LINGO2: variants seen among roughly 807,000 people sequenced by gnomAD.
The protein encoded by LINGO2 is leucine-rich repeat and immunoglobulin-like domain-containing nogo receptor-interacting protein 2.
Under a neutral mutation model 30.6 loss-of-function variants are expected in LINGO2, and 14 were observed. The observed-to-expected ratio is 0.46, with a 90% confidence interval of 0.30 to 0.72. LINGO2 has a LOEUF of 0.72. Ranked by LOEUF, LINGO2 falls within the 30% of genes least tolerant of loss-of-function variation. LINGO2 has a pLI of 0.07. For synonymous variants in LINGO2, 317 were observed against 288.5 expected (o/e 1.10, Z -1.00); for missense variants, 729 against 751.7 (o/e 0.97, Z 0.35).
the LINGO2 span, among the ~76,000 whole-genome samples, chr9:29,175,294 T>C: frequency 6.6e-6 from 1 of 152,112 alleles, no homozygotes; most frequent in African/African-American, 2.4e-5. Context: ...TATCTCAGTG[T>C]TCATTATTCA....
At chr9:28,586,447 TCCC>T (rs1403470972) in intron 1 of LINGO2, among the ~76,000 whole-genome samples, 1 of 152,022 alleles carries the variant, frequency 6.6e-6, no homozygotes, top group East Asian at 1.9e-4. Flanking sequence ...CTTTACAGCC[TCCC>T]CCATTTTCAT....
intron 4 of LINGO2, among the ~76,000 whole-genome samples, chr9:28,063,202 G>A (rs2133134524): frequency 6.6e-6 from 1 of 152,256 alleles, no homozygotes; most frequent in South Asian, 2.1e-4. Context: ...TGCAGAAACA[G>A]AAGAATGTAA....
chr9:28,054,960 T>A (rs1475546278), intron 4 of LINGO2, among the ~76,000 whole-genome samples: 1 of 152,092 alleles, frequency 6.6e-6, no homozygotes, highest in Non-Finnish European at 1.5e-5. Flanking sequence ...TCCTCTTAAA[T>A]GTGAATACTC....
the LINGO2 span, among the ~76,000 whole-genome samples, chr9:29,033,400 C>A: frequency 0.025 from 2,874 of 114,332 alleles, 86 homozygotes; most frequent in African/African-American, 0.081. Flanking sequence ...ATATATATAT[C>A]TCTTCTATAT....
chr9:27,954,922 G>A (rs1819493560), intron 5 of LINGO2, among the ~76,000 whole-genome samples: 1 of 151,660 alleles, frequency 6.6e-6, no homozygotes, highest in Non-Finnish European at 1.5e-5. Context: ...ATTATTTTTT[G>A]TCATTTTAAT....
At chr9:28,952,352 GT>G in the LINGO2 span, among the ~76,000 whole-genome samples, 1 of 152,108 alleles carries the variant, frequency 6.6e-6, no homozygotes, top group Non-Finnish European at 1.5e-5. Context: ...CTGTTTCTTA[GT>G]TTTTTCATCT....
chr9:29,188,713 C>A, the LINGO2 span, among the ~76,000 whole-genome samples: 1 of 135,450 alleles, frequency 7.4e-6, no homozygotes. Flanking sequence ...CTGACCCCCC[C>A]ACCTCCCTCT....
At chr9:27,949,622 C>G in exon 6 of LINGO2, 1 of 1,614,080 alleles carries the variant, frequency 6.2e-7, no homozygotes, top group African/African-American at 1.3e-5. Context: ...TGTTAATGCT[C>G]AAGACCTCCA....
At chr9:28,602,503 A>T (rs957533492) in intron 1 of LINGO2, among the ~76,000 whole-genome samples, 56 of 152,070 alleles carry the variant, frequency 3.7e-4, no homozygotes, top group African/African-American at 1.2e-3. Context: ...CAGGTACATA[A>T]TTTTTTTCTA....
chr9:27,952,208 T>C (rs765095631), intron 5 of LINGO2, among the ~76,000 whole-genome samples: 1 of 152,016 alleles, frequency 6.6e-6, no homozygotes, highest in Non-Finnish European at 1.5e-5. Flanking sequence ...ACACAAACCA[T>C]TTAGAAAATA....
the LINGO2 span, among the ~76,000 whole-genome samples, chr9:28,861,358 AAT>A: frequency 7.5e-6 from 1 of 133,998 alleles, no homozygotes. Flanking sequence ...ATACATATTT[AAT>A]ATATATATAC....
Position 28,271,734 on chromosome 9 carries a change from C to T in LINGO2, c.-87+23474G>A, listed in dbSNP as rs765918462. ...AAGTCAAACGTGGCTGTACCCACTG[C>T]GATGCCTTAAGTATTTGAGGGAATT... On this transcript the variant is annotated intron_variant, in intron 4 of 5. Coordinates refer to ENST00000379992, the Ensembl canonical transcript of LINGO2. 3.9e-5 allele frequency among the ~76,000 whole-genome samples: 6 copies of T among 152,070 alleles called. No individual in the cohort carries two copies. In the South Asian group the frequency reaches 8.3e-4, roughly 21 times the overall value.
the LINGO2 span, among the ~76,000 whole-genome samples, chr9:29,174,066 T>C: frequency 6.6e-6 from 1 of 152,086 alleles, no homozygotes; most frequent in Non-Finnish European, 1.5e-5. Flanking sequence ...GCATCAATTT[T>C]ACATTTCTGA....
At chr9:28,535,844 TATC>T (rs985106186) in intron 1 of LINGO2, among the ~76,000 whole-genome samples, 6 of 152,132 alleles carry the variant, frequency 3.9e-5, no homozygotes, top group African/African-American at 1.4e-4. Flanking sequence ...AGGTTACTGA[TATC>T]ATAATAATCT....
At position 28,083,893 on chromosome 9, in the gene LINGO2, GTA is replaced by G. The variant is rs1482398367; in HGVS notation, c.-86-71490_-86-71489del. Among the ~76,000 whole-genome samples, 9 of 152,144 alleles carry G rather than the reference GTA, an allele frequency of 5.9e-5. 1 individual carries two copies. Among genetic ancestry groups the G allele is most frequent in the Admixed American group, 4.6e-4 (7 of 15,268 alleles). On this transcript the variant is annotated intron_variant, in intron 4 of 5. Transcript: ENST00000379992. ...AGGAATAAAGAACAGTTAAGAGGAT[GTA>G]TGTGTTGAGAAATTCAAATAATAAG...
At chr9:29,095,723 T>C in the LINGO2 span, among the ~76,000 whole-genome samples, 1 of 139,318 alleles carries the variant, frequency 7.2e-6, no homozygotes, top group South Asian at 2.2e-4. Context: ...GTGTTGGGAC[T>C]GGGAGTCCTT....
chr9:28,009,355 T>TAA (rs72535340), intron 5 of LINGO2, among the ~76,000 whole-genome samples: 11,127 of 145,032 alleles, frequency 0.077, 775 homozygotes, highest in East Asian at 0.35. Context: ...GCACAAGTGA[T>TAA]AAAAAAAAAA....
the LINGO2 span, among the ~76,000 whole-genome samples, chr9:29,021,633 G>A: frequency 1.3e-5 from 2 of 150,016 alleles, no homozygotes; most frequent in African/African-American, 4.9e-5. Context: ...CTCCAGCCTG[G>A]GCAACAGTGT....
the LINGO2 span, among the ~76,000 whole-genome samples, chr9:28,861,291 T>A: frequency 0.057 from 7,161 of 125,952 alleles, 280 homozygotes; most frequent in East Asian, 0.1. Flanking sequence ...TATTATATAT[T>A]TTATATATTA....
Sources: gnomAD v4.1 joint callset for allele counts (sites outside exome capture counted in the v4.1 genomes callset) on GRCh38, gnomAD v4.1.1 for gene constraint, MANE v1.5 for transcripts, NCBI Gene and HGNC (gene_info 2026-07-23, HGNC 2026-07-21) for gene names.